SWT1: variants seen among roughly 807,000 people sequenced by gnomAD.
SWT1 encodes SWT1 RNA endoribonuclease homolog, also known as transcriptional protein SWT1.
In SWT1, 33 loss-of-function variants were observed where a neutral mutation model predicts 107.3. The ratio of observed to expected loss-of-function variants is 0.31; its 90% CI spans 0.23 to 0.41. SWT1 has a LOEUF of 0.41. Ranked by LOEUF, SWT1 falls within the 10% of genes least tolerant of loss-of-function variation. The pLI, the probability that SWT1 is intolerant of heterozygous loss-of-function variation, is 1.00. For missense variants in SWT1, 898 were observed against 1,028.9 expected (o/e 0.87, Z 1.74); for synonymous variants, 345 against 348.3 (o/e 0.99, Z 0.11).
At chr1:185,274,560 G>T (rs1341995895) in intron 17 of SWT1, among the ~76,000 whole-genome samples, 1 of 152,044 alleles carries the variant, frequency 6.6e-6, no homozygotes, top group African/African-American at 2.4e-5. Flanking sequence ...TGGTAGGACT[G>T]TCTAAATCTT....
At chr1:185,210,173 C>T (rs1658671802) in intron 13 of SWT1, among the ~76,000 whole-genome samples, 1 of 152,072 alleles carries the variant, frequency 6.6e-6, no homozygotes, top group South Asian at 2.1e-4. Flanking sequence ...CTGTAGGTTG[C>T]CTGTTCACTC....
intron 16 of SWT1, among the ~76,000 whole-genome samples, chr1:185,254,588 T>A (rs1262638175): frequency 1.3e-5 from 2 of 150,920 alleles, no homozygotes; most frequent in African/African-American, 2.4e-5. Flanking sequence ...TAGTATTCTC[T>A]GATGGTAGTT....
At chr1:185,179,595 C>T (rs1041174744) in intron 5 of SWT1, among the ~76,000 whole-genome samples, 8 of 152,098 alleles carry the variant, frequency 5.3e-5, no homozygotes, top group Admixed American at 1.3e-4. Context: ...CCTCAAGTTC[C>T]TTCTGTTGTT....
rs1319124536 is a variant in SWT1, at chr1:185,170,396, T to C, written c.224+1998T>C. Among the ~76,000 whole-genome samples, 4 of 152,326 alleles carry C rather than the reference T, an allele frequency of 2.6e-5. No individual in the cohort carries two copies. The East Asian group carries it at 5.8e-4, about 22-fold the overall frequency. Reference sequence around the variant, plus strand: ...GTACGCACTGAGGCACACCACTGTTTGTACAATGACTTCTGACATTAAATC... The same window carrying C: ...GTACGCACTGAGGCACACCACTGTTCGTACAATGACTTCTGACATTAAATC... On this transcript the variant is annotated intron_variant, in intron 4 of 18. Coordinates refer to ENST00000367500, the MANE Select transcript of SWT1 (RefSeq NM_017673.7).
chr1:185,163,664 G>T (rs2102300955), intron 2 of SWT1, among the ~76,000 whole-genome samples: 1 of 152,268 alleles, frequency 6.6e-6, no homozygotes, highest in East Asian at 1.9e-4. Context: ...AAAGTGCTGG[G>T]ATTACAGGCG....
chr1:185,226,337 G>T (rs907323870), intron 15 of SWT1, among the ~76,000 whole-genome samples: 3 of 152,122 alleles, frequency 2.0e-5, no homozygotes, highest in Non-Finnish European at 4.4e-5. Flanking sequence ...TTATGTACCA[G>T]ACACATTATA....
chr1:185,223,187 C>T (rs1036655620), intron 15 of SWT1, among the ~76,000 whole-genome samples: 1 of 152,134 alleles, frequency 6.6e-6, no homozygotes, highest in Non-Finnish European at 1.5e-5. Context: ...AAAGTGTTCC[C>T]TTTTCTGCAC....
chr1:185,228,190 C>T (rs57512652), intron 15 of SWT1, among the ~76,000 whole-genome samples: 9,319 of 81,710 alleles, frequency 0.11, 1,007 homozygotes, highest in African/African-American at 0.35. Context: ...TATATATATA[C>T]ATATATATAT....
At chr1:185,222,283 A>G (rs1304736184) in intron 15 of SWT1, among the ~76,000 whole-genome samples, 1 of 152,154 alleles carries the variant, frequency 6.6e-6, no homozygotes, top group Non-Finnish European at 1.5e-5. Flanking sequence ...TGACAGAATA[A>G]CGTTCTTTTT....
At chr1:185,176,560 A>G in intron 5 of SWT1, 1 of 979,910 alleles carries the variant, frequency 1.0e-6, no homozygotes, top group South Asian at 4.7e-5. Flanking sequence ...TCTATGTCAA[A>G]TAAAGTTACT....
chr1:185,191,466 A>G lies in SWT1; in HGVS notation c.1523+824A>G, dbSNP rs530070602. On this transcript the variant is annotated intron_variant, in intron 10 of 18. Coordinates refer to ENST00000367500, the MANE Select transcript of SWT1 (RefSeq NM_017673.7). ...TTATTCACTGCAAAATGGAGTTTTT[A>G]TAGTTTCATGATCATGCTCAAATTC... Among the ~76,000 whole-genome samples the G allele has an allele frequency of 1.4e-3, 218 of 152,224 alleles. 2 individuals carry two copies. The highest frequency in any genetic ancestry group is 5.0e-3 in the African/African-American group (208 of 41,548).
At chr1:185,243,102 A>G (rs533863095) in intron 16 of SWT1, among the ~76,000 whole-genome samples, 1 of 152,054 alleles carries the variant, frequency 6.6e-6, no homozygotes, top group Non-Finnish European at 1.5e-5. Flanking sequence ...GATACATTCT[A>G]ACTAGTTGGG....
intron 14 of SWT1, among the ~76,000 whole-genome samples, chr1:185,215,790 T>G (rs1158107814): frequency 6.6e-6 from 1 of 152,152 alleles, no homozygotes; most frequent in African/African-American, 2.4e-5. Context: ...TCCTCCTGCC[T>G]CAGCCTCCCA....
At position 185,190,702 on chromosome 1, in the gene SWT1, A is replaced by G. The variant is rs938168577; in HGVS notation, c.1523+60A>G. 1.1e-5 allele frequency: 12 copies of G among 1,056,510 alleles called. No individual in the cohort carries two copies. In the African/African-American group the frequency reaches 1.8e-4, roughly 16 times the overall value. 65.4% of individuals were successfully genotyped at this position (1,056,510 alleles called of 1,614,324 possible). A position where few individuals can be genotyped will look rare whatever the true frequency, so the allele number is the denominator to read the frequency against. On this transcript the variant is annotated intron_variant, in intron 10 of 18. Transcript: ENST00000367500. ...AAAAATAAACCAAATAATTTAAAAA[A>G]ATCATATGGTATCCAGCATACCAAG...
At chr1:185,239,482 A>G (rs1558066214) in intron 16 of SWT1, among the ~76,000 whole-genome samples, 1 of 152,074 alleles carries the variant, frequency 6.6e-6, no homozygotes, top group African/African-American at 2.4e-5. Flanking sequence ...CAAAATACCT[A>G]ATTTTGCAAA....
chr1:185,240,616 A>G (rs1571592491), intron 16 of SWT1, among the ~76,000 whole-genome samples: 1 of 152,156 alleles, frequency 6.6e-6, no homozygotes, highest in East Asian at 1.9e-4. Flanking sequence ...GTACTTGATC[A>G]TAGAACAGGA....
intron 10 of SWT1, among the ~76,000 whole-genome samples, chr1:185,198,762 G>GTT (rs56138070): frequency 2.3e-4 from 30 of 129,268 alleles, no homozygotes; most frequent in African/African-American, 5.9e-4. Context: ...GTTTTTTTTT[G>GTT]TTTTTTTTTT....
intron 7 of SWT1, 78 bp downstream of exon 7, chr1:185,182,135 A>G: frequency 7.1e-7 from 1 of 1,409,176 alleles, no homozygotes; most frequent in Non-Finnish European, 9.6e-7. Flanking sequence ...TTTTTATAAT[A>G]TTTAGATGAA....
chr1:185,180,028 A>G (rs530284822), intron 5 of SWT1, among the ~76,000 whole-genome samples: 35 of 152,344 alleles, frequency 2.3e-4, no homozygotes, highest in African/African-American at 8.4e-4. Flanking sequence ...TTTACAAAAT[A>G]TACAAAAATT....
Sources: allele counts gnomAD v4.1 joint callset (sites outside exome capture counted in the v4.1 genomes callset), GRCh38; gene constraint gnomAD v4.1.1; transcripts MANE v1.5; gene names NCBI Gene and HGNC (gene_info 2026-07-23, HGNC 2026-07-21).